THSD7B: variants seen among roughly 807,000 people sequenced by gnomAD.
The protein encoded by THSD7B is thrombospondin type 1 domain containing 7B.
In THSD7B, 138 loss-of-function variants were observed where a neutral mutation model predicts 213.6. That is an observed-to-expected ratio of 0.65 (90% CI 0.56 to 0.74). The LOEUF is 0.74. Among genes scored for constraint, THSD7B ranks in the 30% least tolerant of loss-of-function variants. THSD7B has a pLI of 0.00. For missense variants in THSD7B, 1,931 were observed against 1,991.5 expected, an observed-to-expected ratio of 0.97 and a Z score of 0.58; for synonymous variants, 742 against 687.0, an observed-to-expected ratio of 1.08 and a Z score of -1.25.
intron 5 of THSD7B, among the ~76,000 whole-genome samples, chr2:137,147,468 AAAAAAAAAAAGGCAC>A (rs1172966039): frequency 7.5e-5 from 8 of 106,032 alleles, no homozygotes; most frequent in African/African-American, 2.7e-4. Flanking sequence ...TCCTTCCTTT[AAAAAAAAAAAGGCAC>A]ATATTTATTT....
chr2:137,215,497 G>A (rs1041987234), intron 7 of THSD7B, among the ~76,000 whole-genome samples: 4 of 152,162 alleles, frequency 2.6e-5, no homozygotes, highest in African/African-American at 9.7e-5. Context: ...AAAAGTAGAT[G>A]CTGGCCTGGA....
intron 17 of THSD7B, among the ~76,000 whole-genome samples, chr2:137,609,760 C>A (rs898422924): frequency 1.3e-5 from 2 of 152,084 alleles, no homozygotes; most frequent in Admixed American, 1.3e-4. Flanking sequence ...ATAGTTCTGG[C>A]CCCAGAGGTC....
chr2:137,300,232 CAAAGA>C (rs1683568306), intron 12 of THSD7B, among the ~76,000 whole-genome samples: 1 of 152,030 alleles, frequency 6.6e-6, no homozygotes. Context: ...GTTTCTTAAC[CAAAGA>C]AAAGTTAATT....
chr2:137,490,973 T>C (rs1411060961), intron 15 of THSD7B, among the ~76,000 whole-genome samples: 2 of 152,244 alleles, frequency 1.3e-5, no homozygotes, highest in Non-Finnish European at 2.9e-5. Flanking sequence ...GTGTGTTTGG[T>C]CACATTAGTA....
chr2:137,343,803 T>G (rs1366469533), intron 12 of THSD7B, among the ~76,000 whole-genome samples: 2 of 151,638 alleles, frequency 1.3e-5, no homozygotes, highest in Non-Finnish European at 2.9e-5. Context: ...ACCACACATT[T>G]ATTCTTAAAA....
chr2:136,967,381 A>G (rs1685338448), intron 2 of THSD7B, among the ~76,000 whole-genome samples: 1 of 151,996 alleles, frequency 6.6e-6, no homozygotes, highest in Non-Finnish European at 1.5e-5. Flanking sequence ...TCCTCGTTCT[A>G]TTTGTTATTA....
chr2:137,439,146 G>A (rs1687348677), intron 14 of THSD7B, among the ~76,000 whole-genome samples: 1 of 151,982 alleles, frequency 6.6e-6, no homozygotes, highest in Non-Finnish European at 1.5e-5. Flanking sequence ...AATGAATTAA[G>A]CATATATTAT....
chr2:136,889,335 C>T (rs79770044), intron 2 of THSD7B, among the ~76,000 whole-genome samples: 2,238 of 152,212 alleles, frequency 0.015, 38 homozygotes, highest in East Asian at 0.093. Flanking sequence ...TATTCACCTT[C>T]ATATTTCTAG....
chr2:137,048,703 A>G (rs1687011787), intron 2 of THSD7B, among the ~76,000 whole-genome samples: 1 of 152,232 alleles, frequency 6.6e-6, no homozygotes, highest in Admixed American at 6.5e-5. Context: ...TAGACAACAT[A>G]AAAGAAAGCC....
chr2:136,768,899 A>G (rs964705606), intron 1 of THSD7B, among the ~76,000 whole-genome samples: 6 of 152,240 alleles, frequency 3.9e-5, no homozygotes, highest in African/African-American at 1.4e-4. Context: ...AGAGCTGTTA[A>G]CAAGATTAAT....
At chr2:136,801,539 C>T (rs1163975080) in intron 1 of THSD7B, among the ~76,000 whole-genome samples, 2 of 152,082 alleles carry the variant, frequency 1.3e-5, no homozygotes, top group Non-Finnish European at 2.9e-5. Context: ...CCGATGTAGT[C>T]ATGACTACCT....
At chr2:136,879,911 G>A (rs1407791302) in intron 1 of THSD7B, among the ~76,000 whole-genome samples, 1 of 152,134 alleles carries the variant, frequency 6.6e-6, no homozygotes, top group Non-Finnish European at 1.5e-5. Context: ...AACAAGAAGA[G>A]CTAACTATTC....
intron 21 of THSD7B, among the ~76,000 whole-genome samples, chr2:137,644,533 G>A (rs750694810): frequency 4.6e-5 from 7 of 152,086 alleles, no homozygotes; most frequent in Non-Finnish European, 8.8e-5. Flanking sequence ...TATCTAAGTT[G>A]AGTTTTTCCT....
At chr2:136,886,715 T>C (rs1444965334) in intron 2 of THSD7B, among the ~76,000 whole-genome samples, 11 of 152,152 alleles carry the variant, frequency 7.2e-5, no homozygotes, top group Non-Finnish European at 1.5e-5. Flanking sequence ...TTTATTGATG[T>C]GGGATGGGTG....
intron 12 of THSD7B, among the ~76,000 whole-genome samples, chr2:137,308,504 A>T (rs1022774380): frequency 6.6e-6 from 1 of 152,094 alleles, no homozygotes; most frequent in Non-Finnish European, 1.5e-5. Context: ...CCCATTGTAG[A>T]TATATCATAT....
intron 15 of THSD7B, among the ~76,000 whole-genome samples, chr2:137,487,250 C>T (rs1025401116): frequency 2.7e-5 from 4 of 147,506 alleles, no homozygotes; most frequent in Non-Finnish European, 4.4e-5. Context: ...CGCCTGTAGT[C>T]CCAGCTACTG....
At chr2:136,937,367 A>G (rs373402291) in intron 2 of THSD7B, among the ~76,000 whole-genome samples, 1 of 151,584 alleles carries the variant, frequency 6.6e-6, no homozygotes, top group East Asian at 1.9e-4. Flanking sequence ...GTCCTCATCA[A>G]TCTTCTATCA....
intron 2 of THSD7B, among the ~76,000 whole-genome samples, chr2:137,004,390 C>G (rs1368824812): frequency 6.6e-6 from 1 of 150,742 alleles, no homozygotes; most frequent in East Asian, 2.0e-4. Context: ...GTGACTACAG[C>G]TATTCTTTTT....
intron 1 of THSD7B, among the ~76,000 whole-genome samples, chr2:136,812,577 C>T (rs1682394007): frequency 6.6e-6 from 1 of 152,134 alleles, no homozygotes; most frequent in South Asian, 2.1e-4. Flanking sequence ...CATCACCATG[C>T]TAAATACTTT....
Sources: gnomAD v4.1 joint callset for allele counts (sites outside exome capture counted in the v4.1 genomes callset) on GRCh38, gnomAD v4.1.1 for gene constraint, MANE v1.5 for transcripts, NCBI Gene and HGNC (gene_info 2026-07-23, HGNC 2026-07-21) for gene names.